WDPCP: variants seen among roughly 807,000 people sequenced by gnomAD.
WDPCP encodes WD repeat-containing and planar cell polarity effector protein fritz homolog.
WDPCP carries 71 observed loss-of-function variants against 93.1 expected under a neutral mutation model. The observed-to-expected ratio is 0.76, with a 90% confidence interval of 0.63 to 0.93. The LOEUF is 0.93. WDPCP is among the 40% of genes least tolerant of loss of function. WDPCP has a pLI of 0.00. For synonymous variants in WDPCP, 315 were observed against 315.0 expected (o/e 1.00, Z 0.00); for missense variants, 844 against 887.4 (o/e 0.95, Z 0.62).
intron 9 of WDPCP, among the ~76,000 whole-genome samples, chr2:63,414,735 GA>G (rs1224922484): frequency 2.6e-5 from 4 of 152,164 alleles, no homozygotes; most frequent in African/African-American, 9.7e-5. Context: ...GGAAGGAGTG[GA>G]AGGGGAGAAG....
intron 17 of WDPCP, among the ~76,000 whole-genome samples, chr2:63,134,993 C>T (rs945749770): frequency 1.3e-5 from 2 of 152,014 alleles, no homozygotes; most frequent in African/African-American, 4.8e-5. Context: ...TGTGGTGGCA[C>T]GGGCCTGTAG....
At chr2:63,680,849 C>T (rs1294798192) in intron 2 of WDPCP, among the ~76,000 whole-genome samples, 1 of 152,148 alleles carries the variant, frequency 6.6e-6, no homozygotes, top group Non-Finnish European at 1.5e-5. Context: ...TCTTGGATAT[C>T]AGCTCAGCCA....
intron 14 of WDPCP, among the ~76,000 whole-genome samples, chr2:63,243,778 A>G (rs1474414124): frequency 1.3e-5 from 2 of 152,150 alleles, no homozygotes; most frequent in African/African-American, 2.4e-5. Flanking sequence ...CGGGGGCTTC[A>G]ACAGCACACT....
intron 2 of WDPCP, among the ~76,000 whole-genome samples, chr2:63,653,284 A>C (rs1271738973): frequency 6.6e-6 from 1 of 152,186 alleles, no homozygotes; most frequent in Non-Finnish European, 1.5e-5. Context: ...GGGAAAGAGT[A>C]ATTATTGGGA....
At chr2:63,322,112 A>C (rs538479598) in intron 12 of WDPCP, among the ~76,000 whole-genome samples, 2 of 152,242 alleles carry the variant, frequency 1.3e-5, no homozygotes, top group African/African-American at 4.8e-5. Flanking sequence ...TGTCTAGCTA[A>C]CAGGTAGGGG....
intron 12 of WDPCP, among the ~76,000 whole-genome samples, chr2:63,322,451 G>T (rs1200506726): frequency 6.6e-6 from 1 of 152,148 alleles, no homozygotes; most frequent in Non-Finnish European, 1.5e-5. Flanking sequence ...TTTATGAGCT[G>T]TAACACTCAC....
At chr2:63,790,141 C>A (rs1183802151) in intron 2 of WDPCP, among the ~76,000 whole-genome samples, 1 of 152,138 alleles carries the variant, frequency 6.6e-6, no homozygotes, top group African/African-American at 2.4e-5. Context: ...GCTTCTGAAG[C>A]ACCAGCACCT....
intron 2 of WDPCP, among the ~76,000 whole-genome samples, chr2:63,706,847 A>T (rs1053366745): frequency 6.6e-6 from 1 of 151,466 alleles, no homozygotes; most frequent in African/African-American, 2.4e-5. Flanking sequence ...CGATCTCCTG[A>T]CCTCATGATC....
chr2:63,251,176 A>T (rs1383397769), intron 14 of WDPCP, among the ~76,000 whole-genome samples: 1 of 152,184 alleles, frequency 6.6e-6, no homozygotes, highest in Non-Finnish European at 1.5e-5. Context: ...AATGAACGAC[A>T]CCAAAAGTTT....
At chr2:63,276,556 G>A (rs1234870963) in intron 13 of WDPCP, among the ~76,000 whole-genome samples, 1 of 152,094 alleles carries the variant, frequency 6.6e-6, no homozygotes, top group Non-Finnish European at 1.5e-5. Flanking sequence ...TGATAATCAA[G>A]GACACACTTA....
At chr2:63,195,336 T>C (rs1043229556) in intron 14 of WDPCP, among the ~76,000 whole-genome samples, 10 of 152,208 alleles carry the variant, frequency 6.6e-5, no homozygotes, top group Admixed American at 5.2e-4. Flanking sequence ...TGCCATGTGA[T>C]CTTAAGCAGG....
intron 2 of WDPCP, among the ~76,000 whole-genome samples, chr2:63,730,533 A>C (rs746960457): frequency 6.6e-6 from 1 of 152,122 alleles, no homozygotes; most frequent in Non-Finnish European, 1.5e-5. Flanking sequence ...GCGTAATCTC[A>C]GATCACTGCA....
chr2:63,212,077 T>C (rs1676866773), intron 14 of WDPCP, among the ~76,000 whole-genome samples: 1 of 152,154 alleles, frequency 6.6e-6, no homozygotes, highest in Admixed American at 6.5e-5. Flanking sequence ...CTTCTCCAGC[T>C]AGCAAGGCAG....
intron 10 of WDPCP, among the ~76,000 whole-genome samples, chr2:63,395,455 G>A (rs1037264576): frequency 6.6e-6 from 1 of 152,066 alleles, no homozygotes; most frequent in African/African-American, 2.4e-5. Flanking sequence ...CCACTGTTTA[G>A]CTCCCACCTA....
At chr2:63,622,873 G>A in intron 3 of WDPCP, 1 of 1,538,450 alleles carries the variant, frequency 6.5e-7, no homozygotes, top group Non-Finnish European at 8.9e-7. Context: ...CAGCATCAGG[G>A]GTGCGGAGCC....
intron 1 of WDPCP, among the ~76,000 whole-genome samples, chr2:63,513,310 A>C (rs908065276): frequency 6.6e-6 from 1 of 152,200 alleles, no homozygotes; most frequent in African/African-American, 2.4e-5. Context: ...GTAAACATAC[A>C]ATATTGATTA....
chr2:63,505,620 T>A (rs1281523850), intron 1 of WDPCP, among the ~76,000 whole-genome samples: 1 of 152,116 alleles, frequency 6.6e-6, no homozygotes, highest in Non-Finnish European at 1.5e-5. Flanking sequence ...AAAACATATT[T>A]GAAAATTTGT....
rs572367170 is a variant in WDPCP at position 63,685,599 on chromosome 2, T to C, written n.309-34761A>G. Among the ~76,000 whole-genome samples, 4 of 152,338 alleles carry C rather than the reference T, an allele frequency of 2.6e-5. 1 individual carries two copies. Among genetic ancestry groups the C allele is most frequent in the African/African-American group, 9.6e-5 (4 of 41,574 alleles). On this transcript the variant is annotated intron_variant and non_coding_transcript_variant, in intron 2 of 4. Coordinates refer to the WDPCP transcript ENST00000467687. ...GGTGAAGGGAATACTTCCAAATGCGTTCTGTGACGACAGTATAATCCCGAT... is the reference window on the plus strand; with the variant it reads ...GGTGAAGGGAATACTTCCAAATGCGCTCTGTGACGACAGTATAATCCCGAT...
Position 63,610,118 on chromosome 2 carries a change from G to T in WDPCP, n.488+40541C>A, listed in dbSNP as rs1238221492. On this transcript the variant is annotated intron_variant and non_coding_transcript_variant, in intron 3 of 4. Transcript: ENST00000467687. The stretch of plus-strand genomic sequence containing the variant: ...TGCTCCTTCTCTTAATGGAGTCCAG[G>T]CCCAGGAAGTTGTGTCTTCAAGCAG... 2.0e-5 allele frequency among the ~76,000 whole-genome samples: 3 copies of T among 151,966 alleles called. No homozygotes were observed. The South Asian group carries it at 6.2e-4, about 32-fold the overall frequency.
Sources: gnomAD v4.1 joint callset for allele counts (sites outside exome capture counted in the v4.1 genomes callset) on GRCh38, gnomAD v4.1.1 for gene constraint, MANE v1.5 for transcripts, NCBI Gene and HGNC (gene_info 2026-07-23, HGNC 2026-07-21) for gene names.